The following ANKDD1A variants were observed in gnomAD, a reference collection of about 807,000 sequenced individuals.
The protein encoded by ANKDD1A is ankyrin repeat and death domain-containing protein 1A.
A neutral mutation model predicts 63.5 loss-of-function variants in ANKDD1A; 59 were observed. The observed-to-expected ratio is 0.93, with a 90% CI of 0.75 to 1.15. The LOEUF (loss-of-function observed/expected upper bound fraction) is 1.15. Among genes scored for constraint, ANKDD1A ranks in the 50% most tolerant of loss-of-function variants. The pLI is 0.00. For missense variants in ANKDD1A, 632 were observed against 656.4 expected (o/e 0.96, Z 0.41); for synonymous variants, 266 against 263.9 (o/e 1.01, Z -0.08).
intron 11 of ANKDD1A, among the ~76,000 whole-genome samples, 154 bp from the exon 12 acceptor site, chr15:64,944,498 C>T (rs770303521): frequency 6.6e-6 from 1 of 152,208 alleles, no homozygotes; most frequent in African/African-American, 2.4e-5. Flanking sequence ...TCCATATCCC[C>T]TTCATGCCCA....
At chr15:64,932,020 A>T in intron 8 of ANKDD1A, 1 of 202,546 alleles carries the variant, frequency 4.9e-6, no homozygotes, top group Non-Finnish European at 1.0e-5. Flanking sequence ...CAGCCTCCCA[A>T]GAGGCTGGGA....
intron 9 of ANKDD1A, among the ~76,000 whole-genome samples, chr15:64,935,197 C>T (rs1032220094): frequency 1.0e-4 from 15 of 147,538 alleles, no homozygotes; most frequent in African/African-American, 2.8e-4. Flanking sequence ...CACTGCACTC[C>T]AGCCTGGGCA....
At chr15:64,955,820 T>C (rs2085411793) in intron 14 of ANKDD1A, among the ~76,000 whole-genome samples, 1 of 152,230 alleles carries the variant, frequency 6.6e-6, no homozygotes, top group Non-Finnish European at 1.5e-5. Flanking sequence ...AAAGGCAATT[T>C]GGCATTGTCT....
chr15:64,936,602 G>A (rs1338164020), intron 9 of ANKDD1A, among the ~76,000 whole-genome samples: 1 of 152,136 alleles, frequency 6.6e-6, no homozygotes, highest in Non-Finnish European at 1.5e-5. Context: ...ACTTTGGAAG[G>A]CTGAGGTGGG....
rs532946830 is a variant in ANKDD1A at position 64,953,227 on chromosome 15, ATTCTTCT to A, written c.1483+3266_1483+3272del. The stretch of plus-strand genomic sequence containing the variant: ...TTCTTCTCCTTCTTTCTTGTTCCTT[ATTCTTCT>A]TTCTTCTTTCCTCCTCTTTCTTCTT... On this transcript the variant is annotated intron_variant, in intron 14 of 14. Transcript: ENST00000319580. 9.1e-4 allele frequency among the ~76,000 whole-genome samples: 82 copies of A among 89,896 alleles called. No homozygotes were observed. The South Asian group carries it at 0.025, about 27-fold the overall frequency. The allele number at this position is 89,896 out of a possible 152,430, so 59.0% of individuals were successfully genotyped here.
At chr15:64,927,917 T>G (rs965744610) in intron 6 of ANKDD1A, among the ~76,000 whole-genome samples, 6 of 152,138 alleles carry the variant, frequency 3.9e-5, no homozygotes, top group African/African-American at 1.4e-4. Flanking sequence ...TTACAGCAAA[T>G]TCTAAATGAT....
intron 14 of ANKDD1A, among the ~76,000 whole-genome samples, chr15:64,953,820 ATTCTT>A (rs1325887173): frequency 1.7e-5 from 1 of 57,728 alleles, no homozygotes; most frequent in Non-Finnish European, 3.6e-5. Flanking sequence ...CTTCTTCCTT[ATTCTT>A]TTCTTCTTTC....
intron 14 of ANKDD1A, among the ~76,000 whole-genome samples, chr15:64,954,411 TTCCTCCTC>T (rs1345222425): frequency 1.4e-5 from 2 of 146,228 alleles, no homozygotes; most frequent in Non-Finnish European, 3.0e-5. Context: ...CTTCCTCTTC[TTCCTCCTC>T]TCCTCCTTCG....
rs1567115678 is a variant in ANKDD1A, at chr15:64,944,664, GC to G, written c.1081del (p.Leu361TrpfsTer15). The G allele has an allele frequency of 6.2e-7, 1 of 1,613,870 alleles. No homozygotes were observed. ...LNLRDKQGKT[A>X]LAVAVRSNHV... ...CTCTTAATTGCAGCAGGGAAAAACC[GC>G]CCTGGCAGTGGCCGTCCGCAGCAAC... On this transcript the variant is annotated frameshift_variant, in exon 12 of 15. Transcript: ENST00000319580. LOFTEE classifies it high-confidence loss of function.
At chr15:64,956,017 G>T (rs2085413381) in intron 14 of ANKDD1A, among the ~76,000 whole-genome samples, 3 of 152,158 alleles carry the variant, frequency 2.0e-5, no homozygotes, top group Admixed American at 2.0e-4. Flanking sequence ...CATCCACACA[G>T]TGGAATTCTG....
At chr15:64,929,502 C>A (rs1044200229) in intron 6 of ANKDD1A, among the ~76,000 whole-genome samples, 12 of 152,184 alleles carry the variant, frequency 7.9e-5, no homozygotes, top group African/African-American at 2.9e-4. Flanking sequence ...CCCACGCAGG[C>A]TGACCTCAGC....
intron 14 of ANKDD1A, among the ~76,000 whole-genome samples, chr15:64,953,517 CCTT>C (rs202071180): frequency 0.36 from 42,973 of 120,912 alleles, 7,995 homozygotes; most frequent in South Asian, 0.48. Context: ...TCTTCCTTCT[CCTT>C]CTTCCTTCTT....
At chr15:64,926,877 C>T in intron 5 of ANKDD1A, 24 bp from the exon 6 acceptor site, 1 of 1,613,294 alleles carries the variant, frequency 6.2e-7, no homozygotes, top group Non-Finnish European at 8.5e-7. Context: ...GAGGAAGGCT[C>T]ACACCGCTTC....
intron 12 of ANKDD1A, among the ~76,000 whole-genome samples, chr15:64,945,782 G>A (rs2140381255): frequency 6.6e-6 from 1 of 151,192 alleles, no homozygotes; most frequent in Middle Eastern, 3.4e-3. Context: ...ACAGGTGTGT[G>A]CCACCATGCC....
intron 13 of ANKDD1A, 129 bp from the exon 14 acceptor site, chr15:64,949,712 G>A (rs1048564179): frequency 7.2e-7 from 1 of 1,381,874 alleles, no homozygotes. Context: ...GAAGGGCCTT[G>A]GAGGCTTTTG....
chr15:64,921,518 G>A (rs1287478460), intron 3 of ANKDD1A, among the ~76,000 whole-genome samples: 1 of 152,066 alleles, frequency 6.6e-6, no homozygotes, highest in Non-Finnish European at 1.5e-5. Context: ...GGGATTACAG[G>A]TGCCCACCAC....
At chr15:64,952,969 T>TG (rs2085327199) in intron 14 of ANKDD1A, among the ~76,000 whole-genome samples, 140 of 18,732 alleles carry the variant, frequency 7.5e-3, no homozygotes, top group Non-Finnish European at 0.029. Context: ...CTCTTCTTCT[T>TG]TTCTTCTTGT....
chr15:64,914,428 C>T (rs143354819), intron 1 of ANKDD1A, among the ~76,000 whole-genome samples: 302 of 152,360 alleles, frequency 2.0e-3, no homozygotes, highest in Non-Finnish European at 4.0e-3. Flanking sequence ...GCCGGGACTA[C>T]AGGCATGTGC....
chr15:64,916,412 C>A (rs1320084228), intron 2 of ANKDD1A, among the ~76,000 whole-genome samples: 2 of 151,404 alleles, frequency 1.3e-5, no homozygotes, highest in Non-Finnish European at 2.9e-5. Flanking sequence ...GTAGCCTTGA[C>A]CTTCCTGGGC....
Sources: gnomAD v4.1 joint callset for allele counts (sites outside exome capture counted in the v4.1 genomes callset) on GRCh38, gnomAD v4.1.1 for gene constraint, MANE v1.5 for transcripts, NCBI Gene and HGNC (gene_info 2026-07-23, HGNC 2026-07-21) for gene names.